RHOT1: variants seen among roughly 807,000 people sequenced by gnomAD.
RHOT1 encodes the protein ras homolog family member T1.
Under a neutral mutation model 95.3 loss-of-function variants are expected in RHOT1, and 27 were observed. The observed-to-expected ratio is 0.28, with a 90% CI of 0.21 to 0.39. The LOEUF (loss-of-function observed/expected upper bound fraction) is 0.39. RHOT1 is among the 10% of genes least tolerant of loss of function. The pLI, the probability that RHOT1 is intolerant of heterozygous loss-of-function variation, is 1.00. For synonymous variants in RHOT1, 227 were observed against 263.5 expected (o/e 0.86, Z 1.34); for missense variants, 578 against 786.7 (o/e 0.73, Z 3.17).
intron 1 of RHOT1, among the ~76,000 whole-genome samples, chr17:32,154,843 C>T (rs572540128): frequency 4.0e-5 from 6 of 150,912 alleles, no homozygotes; most frequent in African/African-American, 1.2e-4. Flanking sequence ...TGCAGTGAGC[C>T]GTGATCGTGC....
At position 32,145,272 on chromosome 17, in the gene RHOT1, C is replaced by T. The variant is rs530516897; in HGVS notation, c.37+2543C>T. ...CTGAGATCACACCACTGCATTCCAA[C>T]CTGGGGGACAGAGTGAGACTCTGTC... On this transcript the variant is annotated intron_variant, in intron 1 of 19. Coordinates refer to ENST00000545287, the MANE Select transcript of RHOT1 (RefSeq NM_001033566.3). Among the ~76,000 whole-genome samples the T allele has an allele frequency of 2.8e-3, 432 of 152,186 alleles. 1 individual carries two copies. The highest frequency in any genetic ancestry group is 5.1e-3 in the Non-Finnish European group (345 of 68,018).
intron 8 of RHOT1, among the ~76,000 whole-genome samples, chr17:32,185,811 C>T (rs2036003727): frequency 6.7e-6 from 1 of 148,852 alleles, no homozygotes; most frequent in South Asian, 2.2e-4. Context: ...GCCTCAAACT[C>T]CAAGGCTCAG....
Position 32,193,118 on chromosome 17 carries a change from T to C in RHOT1, c.640-18T>C, listed in dbSNP as rs1175071163. 6.7e-7 allele frequency: 1 copy of C among 1,489,540 alleles called. No homozygotes were observed. The highest frequency in any genetic ancestry group is 9.3e-7 in the Non-Finnish European group (1 of 1,074,616). 92.3% of individuals were successfully genotyped at this position (1,489,540 alleles called of 1,614,324 possible). On this transcript the variant is annotated intron_variant, in intron 9 of 19. Transcript: ENST00000545287. The stretch of plus-strand genomic sequence containing the variant: ...AACGCTGGTTTGTTTTTAAATATAT[T>C]TTTATGTTTTTTGCTAGAGGATTTG...
intron 13 of RHOT1, 117 bp downstream of exon 13, chr17:32,199,667 C>T: frequency 1.3e-6 from 1 of 786,520 alleles, no homozygotes; most frequent in Non-Finnish European, 1.9e-6. Context: ...ATCATAATTG[C>T]CTCTAAGCAA....
intron 15 of RHOT1, 66 bp from the exon 16 acceptor site, chr17:32,203,824 A>C: frequency 1.8e-6 from 2 of 1,109,986 alleles, no homozygotes; most frequent in Non-Finnish European, 2.8e-6. Flanking sequence ...ACATATACAC[A>C]GAGATGTTTG....
chr17:32,165,976 G>C (rs1402901885), intron 1 of RHOT1, among the ~76,000 whole-genome samples: 1 of 152,026 alleles, frequency 6.6e-6, no homozygotes, highest in African/African-American at 2.4e-5. Flanking sequence ...CCTGAGACCA[G>C]GAGTTTGAGA....
chr17:32,167,774 C>T (rs1024905882), intron 1 of RHOT1, among the ~76,000 whole-genome samples: 10 of 152,136 alleles, frequency 6.6e-5, no homozygotes, highest in Admixed American at 1.3e-4. Context: ...TTGGTTGGGT[C>T]GTATAATACC....
chr17:32,149,736 TAC>T (rs113295992), intron 1 of RHOT1, among the ~76,000 whole-genome samples: 11,102 of 144,212 alleles, frequency 0.077, 1,465 homozygotes, highest in African/African-American at 0.28. Flanking sequence ...CACATATATA[TAC>T]ACACACACAC....
chr17:32,217,832 CTT>C (rs1171198286), intron 19 of RHOT1, among the ~76,000 whole-genome samples: 1 of 150,656 alleles, frequency 6.6e-6, no homozygotes, highest in Admixed American at 6.6e-5. Flanking sequence ...GTCCAGAAGA[CTT>C]TTTTTAATTT....
intron 19 of RHOT1, among the ~76,000 whole-genome samples, chr17:32,220,481 G>A (rs1342939343): frequency 2.0e-5 from 3 of 152,120 alleles, no homozygotes; most frequent in Non-Finnish European, 4.4e-5. Flanking sequence ...TAACACGTGT[G>A]AAAAATATAT....
At position 32,202,937 on chromosome 17, in the gene RHOT1, A is replaced by T. The variant is rs1274340299; in HGVS notation, c.1332+37A>T. Reference sequence around the variant, plus strand: ...CGTAAAATACAATTTTATCCAACAAATTTTTATAGTTACTAGTTTACATAA... The same window carrying T: ...CGTAAAATACAATTTTATCCAACAATTTTTTATAGTTACTAGTTTACATAA... On this transcript the variant is annotated intron_variant, in intron 15 of 19. Coordinates refer to ENST00000545287, the MANE Select transcript of RHOT1 (RefSeq NM_001033566.3). 5 of 1,591,216 alleles carry T rather than the reference A, an allele frequency of 3.1e-6. No homozygotes were observed. In the African/African-American group the frequency reaches 6.8e-5, roughly 22 times the overall value.
rs550437128 is a variant in RHOT1 at position 32,145,730 on chromosome 17, A to G, written c.37+3001A>G. Among the ~76,000 whole-genome samples the G allele has an allele frequency of 7.7e-4, 117 of 152,148 alleles. 1 individual carries two copies. Among genetic ancestry groups the G allele is most frequent in the Non-Finnish European group, 1.4e-3 (98 of 68,030 alleles). Reference sequence around the variant, plus strand: ...TGCTATGCACCTTAAAAATCATCTAATGAGCCAGGTGTGGTGGCTCATGCC... The same window carrying G: ...TGCTATGCACCTTAAAAATCATCTAGTGAGCCAGGTGTGGTGGCTCATGCC... On this transcript the variant is annotated intron_variant, in intron 1 of 19. Coordinates refer to ENST00000545287, the MANE Select transcript of RHOT1 (RefSeq NM_001033566.3).
intron 19 of RHOT1, among the ~76,000 whole-genome samples, chr17:32,220,722 G>A (rs2038778800): frequency 6.6e-6 from 1 of 150,706 alleles, no homozygotes; most frequent in Admixed American, 6.6e-5. Flanking sequence ...TGTAATCCCA[G>A]CTACTCGGGA....
intron 1 of RHOT1, among the ~76,000 whole-genome samples, chr17:32,151,814 G>A (rs1227900119): frequency 2.0e-5 from 3 of 150,960 alleles, no homozygotes; most frequent in East Asian, 1.9e-4. Context: ...CCCGGGAGGC[G>A]GAGGTTGCAA....
intron 8 of RHOT1, among the ~76,000 whole-genome samples, chr17:32,188,748 T>G (rs1453166315): frequency 6.6e-6 from 1 of 152,254 alleles, no homozygotes; most frequent in African/African-American, 2.4e-5. Flanking sequence ...TCTTTCTTAC[T>G]ATGTAAGTAC....
At chr17:32,177,235 T>C (rs1482700105) in intron 6 of RHOT1, among the ~76,000 whole-genome samples, 1 of 152,206 alleles carries the variant, frequency 6.6e-6, no homozygotes, top group Non-Finnish European at 1.5e-5. Context: ...TTAATTAAAA[T>C]TAATAAAACT....
intron 13 of RHOT1, among the ~76,000 whole-genome samples, 179 bp from the exon 14 acceptor site, chr17:32,200,775 CAA>C (rs367743557): frequency 1.2e-4 from 13 of 110,642 alleles, no homozygotes; most frequent in Admixed American, 1.9e-4. Flanking sequence ...CCCTATCTTT[CAA>C]AAAAAAAAAA....
At chr17:32,214,790 G>T (rs1312609432) in intron 19 of RHOT1, among the ~76,000 whole-genome samples, 1 of 151,194 alleles carries the variant, frequency 6.6e-6, no homozygotes, top group African/African-American at 2.4e-5. Context: ...CATAGGGAGG[G>T]TTCTCACCTA....
chr17:32,196,086 C>T (rs1052360727), intron 11 of RHOT1, among the ~76,000 whole-genome samples: 4 of 151,978 alleles, frequency 2.6e-5, no homozygotes, highest in Non-Finnish European at 4.4e-5. Flanking sequence ...CCCTCTGCAT[C>T]TATCCTTCAC....
Sources: gnomAD v4.1 joint callset for allele counts (sites outside exome capture counted in the v4.1 genomes callset) on GRCh38, gnomAD v4.1.1 for gene constraint, MANE v1.5 for transcripts, NCBI Gene and HGNC (gene_info 2026-07-23, HGNC 2026-07-21) for gene names.